Variants in UNC79 observed in about 807,000 individuals in gnomAD.
UNC79 encodes protein unc-79 homolog.
Under a neutral mutation model 283.1 loss-of-function variants are expected in UNC79, and 37 were observed. The observed-to-expected ratio is 0.13, with a 90% CI of 0.10 to 0.17. The LOEUF is 0.17. Among genes scored for constraint, UNC79 ranks in the 10% least tolerant of loss-of-function variants. The probability of loss-of-function intolerance (pLI) is 1.00; values close to 1 mark genes in which losing one functional copy is unlikely to be tolerated. For missense variants in UNC79, 2,272 were observed against 3,211.1 expected, an observed-to-expected ratio of 0.71 and a Z score of 7.07; for synonymous variants, 1,107 against 1,200.2, an observed-to-expected ratio of 0.92 and a Z score of 1.61.
chr14:93,699,763 A>T (rs2075395313), intron 47 of UNC79, among the ~76,000 whole-genome samples: 1 of 152,162 alleles, frequency 6.6e-6, no homozygotes, highest in Non-Finnish European at 1.5e-5. Flanking sequence ...AGCAAATCAT[A>T]CATTATTATT....
At chr14:93,706,540 G>A (rs900749309) in intron 48 of UNC79, among the ~76,000 whole-genome samples, 164 bp from the exon 52 acceptor site, 4 of 152,118 alleles carry the variant, frequency 2.6e-5, no homozygotes, top group Admixed American at 1.3e-4. Context: ...AACACGGTGC[G>A]ATCCCCCGCC....
chr14:93,600,440 A>G, intron 24 of UNC79, 129 bp from the exon 25 acceptor site: 1 of 605,078 alleles, frequency 1.7e-6, no homozygotes, highest in South Asian at 2.6e-5. Flanking sequence ...GGATCATTCT[A>G]CATTATAAGT....
intron 1 of UNC79, among the ~76,000 whole-genome samples, chr14:93,410,772 A>G (rs1159283373): frequency 1.3e-5 from 2 of 152,138 alleles, no homozygotes; most frequent in African/African-American, 2.4e-5. Context: ...TCTGCTAACT[A>G]AAGAGCCTTT....
intron 1 of UNC79, chr14:93,347,483 G>A (rs926471953): frequency 9.7e-6 from 13 of 1,339,070 alleles, no homozygotes; most frequent in South Asian, 1.7e-5. Context: ...AGGACACGGC[G>A]TGCAGGCCTC....
chr14:93,340,044 T>C (rs961841957), intron 1 of UNC79, among the ~76,000 whole-genome samples: 5 of 152,188 alleles, frequency 3.3e-5, no homozygotes, highest in African/African-American at 4.8e-5. Flanking sequence ...GACACAAAAG[T>C]GCATGGACCT....
chr14:93,577,822 G>C lies in UNC79; in HGVS notation c.2212-20G>C. The C allele has an allele frequency of 6.2e-7, 1 of 1,611,428 alleles. No homozygotes were observed. The highest frequency in any genetic ancestry group is 1.7e-5 in the Admixed American group (1 of 59,836). Reference sequence around the variant, plus strand: ...AGCTTCTGTGAGTTCATTTCTATGTGTTGCCATTCTTTCTTGTAGGTGAGT... The same window carrying C: ...AGCTTCTGTGAGTTCATTTCTATGTCTTGCCATTCTTTCTTGTAGGTGAGT... On this transcript the variant is annotated intron_variant, in intron 17 of 48. Coordinates refer to ENST00000555664, the Ensembl canonical transcript of UNC79.
In UNC79 at chr14:93,644,023, G is replaced by A. The variant is rs1025193526; in HGVS notation, c.6044+326G>A. Among the ~76,000 whole-genome samples, 26 of 152,180 alleles carry A rather than the reference G, an allele frequency of 1.7e-4. 2 individuals carry two copies. The highest frequency in any genetic ancestry group is 1.6e-3 in the Admixed American group (24 of 15,268). Reference sequence around the variant, plus strand: ...GTCAGCAGTTGATAGTAAACACTTCGTAAGTATTACCTGTTATTATTATTT... The same window carrying A: ...GTCAGCAGTTGATAGTAAACACTTCATAAGTATTACCTGTTATTATTATTT... On this transcript the variant is annotated intron_variant, in intron 34 of 48. Transcript: ENST00000555664.
At chr14:93,342,894 T>C (rs571948371) in intron 1 of UNC79, among the ~76,000 whole-genome samples, 2 of 152,368 alleles carry the variant, frequency 1.3e-5, no homozygotes, top group South Asian at 2.1e-4. Context: ...GCCTTTGTTT[T>C]AGTTCTCAAT....
chr14:93,336,337 A>C (rs2053577228), intron 1 of UNC79, among the ~76,000 whole-genome samples: 1 of 152,048 alleles, frequency 6.6e-6, no homozygotes, highest in African/African-American at 2.4e-5. Flanking sequence ...ATAATTATTC[A>C]ATTTTCAATT....
intron 32 of UNC79, among the ~76,000 whole-genome samples, chr14:93,640,036 A>T (rs1285773560): frequency 6.6e-6 from 1 of 152,166 alleles, no homozygotes; most frequent in Non-Finnish European, 1.5e-5. Flanking sequence ...CGTTTTAGTT[A>T]TTACTTTGTA....
At chr14:93,517,478 T>C (rs1426324741) in intron 7 of UNC79, among the ~76,000 whole-genome samples, 1 of 151,590 alleles carries the variant, frequency 6.6e-6, no homozygotes, top group East Asian at 1.9e-4. Context: ...ATAGATTTTT[T>C]TTTTTTTACC....
intron 1 of UNC79, among the ~76,000 whole-genome samples, chr14:93,383,485 C>T (rs189748054): frequency 8.3e-4 from 127 of 152,244 alleles, no homozygotes; most frequent in Middle Eastern, 3.4e-3. Context: ...GGTAGGTTTA[C>T]GCTATGCGAT....
exon 8 of UNC79, chr14:93,524,006 T>G (rs1458424262): frequency 8.1e-6 from 13 of 1,614,032 alleles, no homozygotes; most frequent in Non-Finnish European, 9.3e-6. Flanking sequence ...GCCAGCACAT[T>G]GAATGCCACA....
chr14:93,669,692 T>A (rs1000812566), intron 40 of UNC79, among the ~76,000 whole-genome samples: 13 of 152,012 alleles, frequency 8.6e-5, no homozygotes, highest in South Asian at 4.1e-4. Flanking sequence ...AAAAAAATTT[T>A]AAAAAAATTA....
At chr14:93,479,458 C>T (rs567060677) in intron 4 of UNC79, among the ~76,000 whole-genome samples, 14 of 152,076 alleles carry the variant, frequency 9.2e-5, no homozygotes, top group African/African-American at 1.2e-4. Context: ...CCACCACGCC[C>T]AGCTAATTTT....
At chr14:93,575,283 A>G (rs887009401) in intron 17 of UNC79, 85 bp downstream of exon 17, 10 of 1,553,106 alleles carry the variant, frequency 6.4e-6, no homozygotes, top group South Asian at 4.8e-5. Flanking sequence ...AAGTACTGTC[A>G]TAAGAAACCA....
intron 1 of UNC79, among the ~76,000 whole-genome samples, chr14:93,454,598 G>A (rs991389742): frequency 7.2e-5 from 11 of 152,016 alleles, no homozygotes; most frequent in Non-Finnish European, 1.6e-4. Context: ...TTTTTCGTTG[G>A]TAATGTGGAA....
chr14:93,593,718 C>T, exon 23 of UNC79: 2 of 1,613,556 alleles, frequency 1.2e-6, no homozygotes, highest in Non-Finnish European at 8.5e-7. Flanking sequence ...TCTCAGCTGT[C>T]TTCCCTGGCA....
rs1220431519 is a variant in UNC79 at position 93,634,356 on chromosome 14, G to A, written c.5717-2860G>A. On this transcript the variant is annotated intron_variant, in intron 31 of 48. Coordinates refer to ENST00000555664, the Ensembl canonical transcript of UNC79. ...CCTCACTGTGTGAAGAAAGGCATCC[G>A]GAACAGCAGAGTACCTTAATTTTTC... is the stretch of plus-strand genomic sequence containing the variant. Among the ~76,000 whole-genome samples the A allele has an allele frequency of 5.3e-5, 8 of 152,124 alleles. No individual in the cohort carries two copies. In the East Asian group the frequency reaches 5.8e-4, roughly 11 times the overall value.
Sources: allele counts gnomAD v4.1 joint callset (sites outside exome capture counted in the v4.1 genomes callset), GRCh38; gene constraint gnomAD v4.1.1; transcripts MANE v1.5; gene names NCBI Gene and HGNC (gene_info 2026-07-23, HGNC 2026-07-21).